PARD3B: variants seen among roughly 807,000 people sequenced by gnomAD.
PARD3B encodes partitioning defective 3 homolog B.
A neutral mutation model predicts 130.2 loss-of-function variants in PARD3B; 103 were observed. The observed-to-expected ratio is 0.79, with a 90% CI of 0.67 to 0.93. The LOEUF is 0.93. Ranked by LOEUF, PARD3B falls within the 40% of genes least tolerant of loss-of-function variation. The probability of loss-of-function intolerance (pLI) is 0.00; values close to 1 mark genes in which losing one functional copy is unlikely to be tolerated. For synonymous variants in PARD3B, 583 were observed against 553.2 expected (o/e 1.05, Z -0.76); for missense variants, 1,609 against 1,499.2 (o/e 1.07, Z -1.21).
rs2040696894 is a variant in PARD3B, at chr2:205,270,850, T to TC, written c.2185+25033dup. ...ATCTTACCAGTAAAAGCTAAGGTCT[T>TC]CCCCCAGACGGCTTTAACACATTTC... On this transcript the variant is annotated intron_variant, in intron 16 of 22. Coordinates refer to ENST00000406610, the MANE Select transcript of PARD3B (RefSeq NM_001302769.2). Among the ~76,000 whole-genome samples, 5 of 152,088 alleles carry TC rather than the reference T, an allele frequency of 3.3e-5. No homozygotes were observed. The South Asian group carries it at 1.0e-3, about 32-fold the overall frequency.
intron 1 of PARD3B, among the ~76,000 whole-genome samples, chr2:204,642,212 G>A (rs2035101001): frequency 6.6e-6 from 1 of 152,126 alleles, no homozygotes; most frequent in South Asian, 2.1e-4. Flanking sequence ...GGGTGCACTG[G>A]TCTCTGCTAC....
chr2:205,265,477 C>T lies in PARD3B; in HGVS notation c.2185+19655C>T, dbSNP rs960431670. 6.6e-6 allele frequency among the ~76,000 whole-genome samples: 1 copy of T among 151,872 alleles called. No homozygotes were observed. Among genetic ancestry groups the T allele is most frequent in the African/African-American group, 2.4e-5 (1 of 41,366 alleles). On this transcript the variant is annotated intron_variant, in intron 16 of 22. Transcript: ENST00000406610. The surrounding 1 kb of genome is among the most constrained non-coding windows in gnomAD (Gnocchi z 4.3). ...ATTGCTTTTCTGCCTACAAATGGGA[C>T]GATTCCTGATATGTGTAGATTAGGG...
chr2:205,389,241 A>T (rs2045766374), intron 18 of PARD3B, among the ~76,000 whole-genome samples: 1 of 152,220 alleles, frequency 6.6e-6, no homozygotes, highest in Non-Finnish European at 1.5e-5. Flanking sequence ...TAACATCAAA[A>T]TATTGAAATC....
intron 1 of PARD3B, among the ~76,000 whole-genome samples, chr2:204,548,483 A>G (rs2030186778): frequency 6.6e-6 from 1 of 152,226 alleles, no homozygotes; most frequent in Non-Finnish European, 1.5e-5. Context: ...ATGACAAGTA[A>G]GTCGTAGATT....
intron 20 of PARD3B, among the ~76,000 whole-genome samples, chr2:205,462,671 T>G (rs1575082761): frequency 6.6e-6 from 1 of 152,240 alleles, no homozygotes; most frequent in East Asian, 1.9e-4. Context: ...ATTTTCGTTG[T>G]GATTTTTTAT....
At chr2:204,941,499 T>C (rs1559282538) in intron 2 of PARD3B, among the ~76,000 whole-genome samples, 1 of 152,230 alleles carries the variant, frequency 6.6e-6, no homozygotes. Context: ...TGTTTTGTTT[T>C]CTCCTCTTAG....
intron 19 of PARD3B, among the ~76,000 whole-genome samples, chr2:205,410,334 C>T (rs1410566153): frequency 6.6e-6 from 1 of 152,128 alleles, no homozygotes; most frequent in East Asian, 1.9e-4. Flanking sequence ...AGAGCATTTT[C>T]TGTGAAAGCT....
chr2:204,804,564 C>T (rs2042696145), intron 2 of PARD3B, among the ~76,000 whole-genome samples: 1 of 152,144 alleles, frequency 6.6e-6, no homozygotes, highest in Non-Finnish European at 1.5e-5. Context: ...CACTCTGCTT[C>T]TAGCATTGGA....
intron 15 of PARD3B, 99 bp downstream of exon 15, chr2:205,193,419 G>T: frequency 1.1e-6 from 1 of 882,426 alleles, no homozygotes; most frequent in South Asian, 1.6e-5. Context: ...AAACCTCAGG[G>T]AACAAGGTCT....
chr2:205,317,062 A>C (rs4119080), intron 18 of PARD3B, among the ~76,000 whole-genome samples: 9 of 152,120 alleles, frequency 5.9e-5, no homozygotes, highest in African/African-American at 2.2e-4. Context: ...GTGGTAGGGC[A>C]TATAAGTTGT....
At chr2:205,537,745 C>T (rs1167798000) in intron 21 of PARD3B, among the ~76,000 whole-genome samples, 3 of 152,242 alleles carry the variant, frequency 2.0e-5, no homozygotes. Context: ...TAGAACTACA[C>T]ACACATGGTC....
intron 21 of PARD3B, among the ~76,000 whole-genome samples, chr2:205,514,043 T>A (rs2050693453): frequency 6.6e-6 from 1 of 152,152 alleles, no homozygotes; most frequent in South Asian, 2.1e-4. Flanking sequence ...AAAGTGGCTT[T>A]TATCATATGT....
intron 4 of PARD3B, among the ~76,000 whole-genome samples, chr2:205,067,113 T>G (rs1404824211): frequency 1.8e-4 from 19 of 105,878 alleles, no homozygotes; most frequent in East Asian, 6.8e-4. Context: ...TTTTTTTTTT[T>G]TTTTTTTTTT....
intron 22 of PARD3B, among the ~76,000 whole-genome samples, chr2:205,582,465 T>A (rs1357918247): frequency 6.6e-6 from 1 of 152,104 alleles, no homozygotes; most frequent in Non-Finnish European, 1.5e-5. Context: ...AAAAAGCAGG[T>A]TCAATCAGAG....
At position 205,473,652 on chromosome 2, in the gene PARD3B, A is replaced by ATGTG. The variant is rs1258427336; in HGVS notation, c.3045-26243_3045-26242insGTGT. 1.7e-3 allele frequency among the ~76,000 whole-genome samples: 206 copies of ATGTG among 122,650 alleles called. No homozygotes were observed. The highest frequency in any genetic ancestry group is 2.9e-3 in the Non-Finnish European group (178 of 62,176). The allele number at this position is 122,650 out of a possible 152,430, so 80.5% of individuals were successfully genotyped here. ...TATGTTTCCCAATATAAGGTTATAT[A>ATGTG]TATGTGTGTGTGTGTGTGTGTGTGT... On this transcript the variant is annotated intron_variant, in intron 20 of 22. Coordinates refer to ENST00000406610, the MANE Select transcript of PARD3B (RefSeq NM_001302769.2). This position sits in a 1 kb window ranked among gnomAD's most constrained non-coding sequence, Gnocchi z 4.9.
intron 10 of PARD3B, among the ~76,000 whole-genome samples, chr2:205,144,095 G>A (rs1033366869): frequency 2.0e-5 from 3 of 152,172 alleles, no homozygotes; most frequent in African/African-American, 7.2e-5. Flanking sequence ...CATAGGCTGT[G>A]GACTTGGCCA....
At chr2:205,336,658 A>C (rs1382833417) in intron 18 of PARD3B, among the ~76,000 whole-genome samples, 1 of 152,216 alleles carries the variant, frequency 6.6e-6, no homozygotes, top group African/African-American at 2.4e-5. Context: ...GAGAAATGTT[A>C]GTTAATGAGC....
intron 1 of PARD3B, among the ~76,000 whole-genome samples, chr2:204,620,024 T>C (rs955102096): frequency 3.3e-5 from 5 of 152,072 alleles, no homozygotes; most frequent in African/African-American, 1.2e-4. Flanking sequence ...TTTTTTGAGA[T>C]GGAATCTCGC....
chr2:205,136,681 G>T (rs918914502), intron 10 of PARD3B, among the ~76,000 whole-genome samples: 2 of 152,034 alleles, frequency 1.3e-5, no homozygotes, highest in Admixed American at 6.6e-5. Context: ...CAAATCAACA[G>T]AAAAGCAAAC....
Sources: gnomAD v4.1 joint callset for allele counts (sites outside exome capture counted in the v4.1 genomes callset) on GRCh38, gnomAD v4.1.1 for gene constraint, Gnocchi (gnomAD v3.1) non-coding constraint, MANE v1.5 for transcripts, NCBI Gene and HGNC (gene_info 2026-07-23, HGNC 2026-07-21) for gene names.